The following XRRA1 variants were observed in gnomAD, a reference collection of about 807,000 sequenced individuals.
XRRA1 encodes X-ray radiation resistance-associated protein 1.
In XRRA1, 69 loss-of-function variants were observed where a neutral mutation model predicts 80.2. The observed-to-expected ratio is 0.86, with a 90% CI of 0.71 to 1.05. The LOEUF (loss-of-function observed/expected upper bound fraction) is 1.05, where lower values mean the gene tolerates loss of function less well. Among genes scored for constraint, XRRA1 ranks in the 50% least tolerant of loss-of-function variants. The probability of loss-of-function intolerance (pLI) is 0.00; values close to 1 mark genes in which losing one functional copy is unlikely to be tolerated. For synonymous variants in XRRA1, 348 were observed against 389.9 expected (o/e 0.89, Z 1.27); for missense variants, 967 against 976.4 (o/e 0.99, Z 0.13).
chr11:74,866,689 G>A (rs1333182709), intron 10 of XRRA1, among the ~76,000 whole-genome samples: 1 of 149,068 alleles, frequency 6.7e-6, no homozygotes, highest in Non-Finnish European at 1.5e-5. Flanking sequence ...TCCTGGAATT[G>A]AAAAATATAA....
chr11:74,909,952 T>C (rs11601797), intron 8 of XRRA1: 7,627 of 153,002 alleles, frequency 0.05, 310 homozygotes, highest in Non-Finnish European at 0.071. Flanking sequence ...GTGCTGCTGC[T>C]GCTTTGCTTG....
intron 11 of XRRA1, among the ~76,000 whole-genome samples, chr11:74,861,431 T>C (rs1322118052): frequency 1.3e-5 from 2 of 152,306 alleles, no homozygotes; most frequent in South Asian, 2.1e-4. Flanking sequence ...GAACTGGGCA[T>C]GCAAGGGATC....
chr11:74,889,148 C>T (rs1317562264), intron 10 of XRRA1, among the ~76,000 whole-genome samples: 2 of 152,082 alleles, frequency 1.3e-5, no homozygotes, highest in African/African-American at 2.4e-5. Flanking sequence ...TAGGGGCAGC[C>T]AGAGAGAAAG....
At position 74,859,766 on chromosome 11, in the gene XRRA1, C is replaced by T. The variant is rs75172301; in HGVS notation, c.1045-483G>A. Among the ~76,000 whole-genome samples, 554 of 152,088 alleles carry T rather than the reference C, an allele frequency of 3.6e-3. 1 individual carries two copies. Among genetic ancestry groups the T allele is most frequent in the Non-Finnish European group, 6.6e-3 (447 of 67,976 alleles). On this transcript the variant is annotated intron_variant, in intron 11 of 18. Coordinates refer to ENST00000684022, the MANE Select transcript of XRRA1 (RefSeq NM_001378157.1). ...GAACACCTGCTCTGATGGGCTAGCC[C>T]ACATCCTCGAGTGGAGGGTCTTCAT...
chr11:74,894,192 T>G (rs1183708986), intron 10 of XRRA1, among the ~76,000 whole-genome samples: 1 of 152,144 alleles, frequency 6.6e-6, no homozygotes, highest in Non-Finnish European at 1.5e-5. Flanking sequence ...TTCTCACTTG[T>G]AAGTGGGAGC....
At chr11:74,948,037 T>A (rs1464795271) in intron 1 of XRRA1, among the ~76,000 whole-genome samples, 1 of 152,232 alleles carries the variant, frequency 6.6e-6, no homozygotes, top group African/African-American at 2.4e-5. Context: ...CACATGAATT[T>A]TGGCTTCCCC....
intron 10 of XRRA1, among the ~76,000 whole-genome samples, chr11:74,890,161 C>A (rs1411536065): frequency 6.6e-6 from 1 of 152,212 alleles, no homozygotes; most frequent in Non-Finnish European, 1.5e-5. Flanking sequence ...GTAAAGCACT[C>A]ATCAGCAAAT....
At chr11:74,867,936 T>TTTTTC (rs1555033307) in intron 10 of XRRA1, among the ~76,000 whole-genome samples, 2 of 150,444 alleles carry the variant, frequency 1.3e-5, no homozygotes, top group East Asian at 2.0e-4. Context: ...TTTTTTTTTT[T>TTTTTC]CTGAGACAGA....
chr11:74,906,603 G>T, intron 9 of XRRA1, 147 bp from the exon 10 acceptor site: 1 of 862,126 alleles, frequency 1.2e-6, no homozygotes, highest in Non-Finnish European at 1.7e-6. Context: ...ACTCTCTCTG[G>T]GATTCAATAT....
At chr11:74,933,558 T>C (rs979736925) in intron 5 of XRRA1, 1 of 379,034 alleles carries the variant, frequency 2.6e-6, no homozygotes, top group South Asian at 3.7e-5. Flanking sequence ...GCCTGGCCCA[T>C]AAGGCAATTT....
intron 10 of XRRA1, among the ~76,000 whole-genome samples, chr11:74,873,320 A>G (rs1331525841): frequency 2.6e-5 from 4 of 152,232 alleles, no homozygotes; most frequent in Admixed American, 2.6e-4. Context: ...AGACTAGATC[A>G]GATCCTCCAC....
At chr11:74,882,268 C>T (rs1359146704) in intron 10 of XRRA1, among the ~76,000 whole-genome samples, 4 of 151,690 alleles carry the variant, frequency 2.6e-5, no homozygotes, top group African/African-American at 7.3e-5. Context: ...TTTCATCTTC[C>T]ATCGCTGATA....
In XRRA1 at chr11:74,874,449, C is replaced by T. The variant is rs2045623495; in HGVS notation, c.1004-11428G>A. 2.0e-5 allele frequency among the ~76,000 whole-genome samples: 3 copies of T among 152,008 alleles called. No individual in the cohort carries two copies. In the South Asian group the frequency reaches 6.2e-4, roughly 32 times the overall value. On this transcript the variant is annotated intron_variant, in intron 10 of 18. Transcript: ENST00000684022. ...GGGAGTTTTAACTCAAGCCCGAGGA[C>T]CAGCTCAACAGCCAGTGGGCTCCCT...
At chr11:74,880,443 T>G (rs1336335034) in intron 10 of XRRA1, among the ~76,000 whole-genome samples, 26 of 150,660 alleles carry the variant, frequency 1.7e-4, no homozygotes, top group Admixed American at 1.7e-3. Context: ...TTGAAGGGTT[T>G]TTTGTGTCTC....
chr11:74,914,441 A>G (rs967307999), intron 8 of XRRA1, among the ~76,000 whole-genome samples: 1 of 152,236 alleles, frequency 6.6e-6, no homozygotes, highest in Non-Finnish European at 1.5e-5. Context: ...TCCATTGGGC[A>G]TATGACTCAG....
chr11:74,905,115 G>A (rs1420067530), intron 10 of XRRA1, among the ~76,000 whole-genome samples: 4 of 152,098 alleles, frequency 2.6e-5, no homozygotes, highest in African/African-American at 9.7e-5. Context: ...GAGCAGTGGC[G>A]TGATCATAGC....
chr11:74,867,917 C>CTTTTTTTTTTT (rs60520990), intron 10 of XRRA1, among the ~76,000 whole-genome samples: 2 of 106,748 alleles, frequency 1.9e-5, no homozygotes, highest in African/African-American at 3.6e-5. Context: ...TATAGTCAAT[C>CTTTTTTTTTTT]TTTTTTTTTT....
rs1200371586 is a variant in XRRA1 at position 74,844,232 on chromosome 11, A to G, written c.1979T>C (p.Leu660Pro). 5.0e-6 allele frequency: 8 copies of G among 1,613,692 alleles called. No homozygotes were observed. Among genetic ancestry groups the G allele is most frequent in the Middle Eastern group, 1.7e-4 (1 of 5,960 alleles). Residue 660 changes from leucine (L) to proline (P), a missense_variant, in exon 17 of 19, where the codon CTG becomes CCG. By Grantham distance (98) the Leu-to-Pro change is moderately conservative. Coordinates refer to ENST00000684022, the MANE Select transcript of XRRA1 (RefSeq NM_001378157.1). ...CAGCTTGGGCTTGGAGGAGTGGCAC[A>G]GGAGTGGGTGCTTCAGCATTTGTTG... Reference protein sequence around the residue: ...ALQQMLKHPLLCHSSKPKLDT... With the variant: ...ALQQMLKHPLPCHSSKPKLDT...
intron 10 of XRRA1, among the ~76,000 whole-genome samples, chr11:74,891,373 T>C (rs541615497): frequency 2.6e-5 from 4 of 152,334 alleles, no homozygotes; most frequent in East Asian, 3.9e-4. Flanking sequence ...CTAAAAACTC[T>C]CAATAAATTA....
Sources: allele counts gnomAD v4.1 joint callset (sites outside exome capture counted in the v4.1 genomes callset), GRCh38; gene constraint gnomAD v4.1.1; transcripts MANE v1.5; gene names NCBI Gene and HGNC (gene_info 2026-07-23, HGNC 2026-07-21).